Variants in DAP3 observed in about 807,000 individuals in gnomAD.
DAP3 encodes the protein death associated protein 3.
DAP3 carries 28 observed loss-of-function variants against 51.9 expected under a neutral mutation model. The ratio of observed to expected loss-of-function variants is 0.54; its 90% CI spans 0.40 to 0.74. DAP3 has a LOEUF of 0.74. Among genes scored for constraint, DAP3 ranks in the 30% least tolerant of loss-of-function variants. The pLI is 0.00. For missense variants in DAP3, 458 were observed against 483.5 expected (o/e 0.95, Z 0.49); for synonymous variants, 170 against 170.3 (o/e 1.00, Z 0.01).
At chr1:155,690,981 C>T (rs1328469305) in intron 1 of DAP3, among the ~76,000 whole-genome samples, 1 of 142,118 alleles carries the variant, frequency 7.0e-6, no homozygotes, top group Non-Finnish European at 1.5e-5. Flanking sequence ...GATCTCGGCT[C>T]ACTGCAAGCT....
chr1:155,715,404 C>T (rs1298512128), intron 2 of DAP3, among the ~76,000 whole-genome samples: 1 of 151,984 alleles, frequency 6.6e-6, no homozygotes, highest in Non-Finnish European at 1.5e-5. Context: ...CACCTGTAGT[C>T]CCAGCTACTT....
At chr1:155,708,981 G>A (rs996722288) in intron 1 of DAP3, 8 of 151,746 alleles carry the variant, frequency 5.3e-5, no homozygotes, top group African/African-American at 7.3e-5. Flanking sequence ...GATTACAGGC[G>A]TGAGCCACTG....
chr1:155,724,292 C>T (rs1227822124), intron 4 of DAP3, among the ~76,000 whole-genome samples: 6 of 151,974 alleles, frequency 3.9e-5, no homozygotes, highest in Non-Finnish European at 5.9e-5. Flanking sequence ...GCTCCTGAGC[C>T]GCCATGTATT....
chr1:155,696,772 A>G (rs1315197197), intron 1 of DAP3, among the ~76,000 whole-genome samples: 2 of 152,256 alleles, frequency 1.3e-5, no homozygotes. Flanking sequence ...ACCTTGGGGT[A>G]AAACCTTCCA....
At chr1:155,702,731 G>A (rs1655466939) in intron 1 of DAP3, among the ~76,000 whole-genome samples, 1 of 152,186 alleles carries the variant, frequency 6.6e-6, no homozygotes, top group Non-Finnish European at 1.5e-5. Flanking sequence ...AGCATTTTGG[G>A]AGGCTGAGGC....
At chr1:155,724,880 G>C (rs1197293320) in intron 4 of DAP3, among the ~76,000 whole-genome samples, 1 of 151,686 alleles carries the variant, frequency 6.6e-6, no homozygotes, top group Non-Finnish European at 1.5e-5. Context: ...ACTTGAACTG[G>C]GAGGCAGAGG....
intron 1 of DAP3, among the ~76,000 whole-genome samples, chr1:155,692,465 A>T: frequency 7.0e-6 from 1 of 141,902 alleles, no homozygotes; most frequent in East Asian, 1.9e-4. Context: ...CCGCATCTGC[A>T]GACTAAAAGC....
intron 1 of DAP3, among the ~76,000 whole-genome samples, chr1:155,698,338 A>G (rs1654782472): frequency 2.0e-5 from 3 of 152,226 alleles, no homozygotes; most frequent in South Asian, 4.1e-4. Context: ...GGTGTAAGAA[A>G]TTATAAAAGT....
rs1654219221 is a variant in DAP3 at position 155,694,166 on chromosome 1, G to A, written c.-8+4992G>A. Among the ~76,000 whole-genome samples, 2 of 141,142 alleles carry A rather than the reference G, an allele frequency of 1.4e-5. 1 individual carries two copies. The highest frequency in any genetic ancestry group is 6.5e-5 in the African/African-American group (2 of 30,730). The allele number at this position is 141,142 out of a possible 152,430, so 92.6% of individuals were successfully genotyped here. On this transcript the variant is annotated intron_variant, in intron 1 of 12. Transcript: ENST00000368336. Reference sequence around the variant, plus strand: ...TGATTATGACCTGAAATTTTAACTAGCCAATGTTGTCCGTAGCCTTTTAGG... The same window carrying A: ...TGATTATGACCTGAAATTTTAACTAACCAATGTTGTCCGTAGCCTTTTAGG...
Position 155,689,133 on chromosome 1 carries a change from T to A in DAP3, c.-49T>A, listed in dbSNP as rs1461257940. ...GCTTTGGAGCCGGCCCCAGGCAGCG[T>A]GTGTCGGTCGCCTAGTCTGGAGAAC... On this transcript the variant is annotated 5_prime_UTR_variant, in exon 1 of 13. Coordinates refer to ENST00000368336, the MANE Select transcript of DAP3 (RefSeq NM_004632.4). The A allele has an allele frequency of 3.1e-6, 3 of 965,480 alleles. No individual in the cohort carries two copies. 59.8% of individuals were successfully genotyped at this position (965,480 alleles called of 1,614,324 possible).
chr1:155,724,493 G>A (rs1457121290), intron 4 of DAP3, among the ~76,000 whole-genome samples: 1 of 151,558 alleles, frequency 6.6e-6, no homozygotes, highest in Non-Finnish European at 1.5e-5. Flanking sequence ...AATCAGCCTG[G>A]CATGGTGGTG....
chr1:155,702,263 A>C (rs1655393113), intron 1 of DAP3, among the ~76,000 whole-genome samples: 1 of 150,016 alleles, frequency 6.7e-6, no homozygotes, highest in Admixed American at 6.6e-5. Context: ...AGGTCAGGAG[A>C]TCGAGATCAT....
upstream of DAP3, chr1:155,688,301 C>G (rs574585167): frequency 1.9e-6 from 3 of 1,567,776 alleles, no homozygotes; most frequent in African/African-American, 1.4e-5. Flanking sequence ...CGTTTCCCCT[C>G]GCAAAGCGAA....
intron 1 of DAP3, among the ~76,000 whole-genome samples, chr1:155,694,965 C>T (rs1237540111): frequency 3.3e-5 from 5 of 152,196 alleles, no homozygotes; most frequent in Admixed American, 3.3e-4. Context: ...TTCCCTATCT[C>T]CCCCTATTTT....
chr1:155,688,984 C>T (rs1217245969), upstream of DAP3: 1 of 1,605,986 alleles, frequency 6.2e-7, no homozygotes, highest in Non-Finnish European at 8.5e-7. Flanking sequence ...CATGGGACCG[C>T]GGCGAGGGGA....
chr1:155,703,291 A>G (rs1655540031), intron 1 of DAP3, among the ~76,000 whole-genome samples: 1 of 152,258 alleles, frequency 6.6e-6, no homozygotes, highest in Admixed American at 6.5e-5. Context: ...TCATGGCAGA[A>G]GGCAACAAGG....
chr1:155,728,928 A>G, intron 7 of DAP3, 114 bp from the exon 8 acceptor site: 2 of 953,428 alleles, frequency 2.1e-6, no homozygotes, highest in Non-Finnish European at 3.2e-6. Flanking sequence ...GAACCTGAAC[A>G]ATAGATTAAA....
intron 12 of DAP3, 54 bp from the exon 13 acceptor site, chr1:155,738,086 TACACGATATTCTGGGGA>T: frequency 1.3e-6 from 2 of 1,487,410 alleles, no homozygotes; most frequent in Non-Finnish European, 1.9e-6. Flanking sequence ...AGCCTCTGAC[TACACGATATTCTGGGGA>T]ACACAGTGCA....
At chr1:155,689,969 T>A (rs1444060910) in intron 1 of DAP3, among the ~76,000 whole-genome samples, 2 of 122,094 alleles carry the variant, frequency 1.6e-5, no homozygotes, top group African/African-American at 1.5e-4. Context: ...CTCCTAGGCA[T>A]AGGGAAGGTG....
Sources: allele counts gnomAD v4.1 joint callset (sites outside exome capture counted in the v4.1 genomes callset), GRCh38; gene constraint gnomAD v4.1.1; transcripts MANE v1.5; gene names NCBI Gene and HGNC (gene_info 2026-07-23, HGNC 2026-07-21).